Variants in FCHSD2 observed in about 807,000 individuals in gnomAD.
FCHSD2 encodes the protein FCH and double SH3 domains 2.
Under a neutral mutation model 108.1 loss-of-function variants are expected in FCHSD2, and 38 were observed. The ratio of observed to expected loss-of-function variants is 0.35; its 90% CI spans 0.27 to 0.46. The LOEUF is 0.46. Among genes scored for constraint, FCHSD2 ranks in the 20% least tolerant of loss-of-function variants. FCHSD2 has a pLI of 1.00. For synonymous variants in FCHSD2, 279 were observed against 314.7 expected, an observed-to-expected ratio of 0.89 and a Z score of 1.20; for missense variants, 751 against 897.8, an observed-to-expected ratio of 0.84 and a Z score of 2.09.
intron 9 of FCHSD2, among the ~76,000 whole-genome samples, chr11:72,915,188 C>T (rs529927877): frequency 8.3e-4 from 126 of 151,884 alleles, no homozygotes; most frequent in Middle Eastern, 3.4e-3. Context: ...ATCAAAACCA[C>T]CATGAGATAC....
intron 8 of FCHSD2, among the ~76,000 whole-genome samples, chr11:72,973,454 TAAC>T (rs1591447727): frequency 6.6e-6 from 1 of 152,252 alleles, no homozygotes; most frequent in South Asian, 2.1e-4. Flanking sequence ...ATAGCAAAGA[TAAC>T]AAAGAAAGTT....
chr11:73,127,400 A>G (rs2098600000), intron 2 of FCHSD2, among the ~76,000 whole-genome samples: 1 of 152,142 alleles, frequency 6.6e-6, no homozygotes, highest in South Asian at 2.1e-4. Flanking sequence ...ACTCCCGATC[A>G]ACACTGACAG....
At chr11:73,058,755 A>G (rs1164415641) in intron 3 of FCHSD2, among the ~76,000 whole-genome samples, 1 of 151,772 alleles carries the variant, frequency 6.6e-6, no homozygotes, top group East Asian at 1.9e-4. Flanking sequence ...TTTAGTCGAG[A>G]TGGGGTTTTA....
At chr11:72,843,625 G>T in intron 14 of FCHSD2, 93 bp from the exon 15 acceptor site, 1 of 799,586 alleles carries the variant, frequency 1.3e-6, no homozygotes. Flanking sequence ...TCAAAATATT[G>T]AAATGATTTT....
intron 13 of FCHSD2, among the ~76,000 whole-genome samples, chr11:72,865,155 A>T (rs1376560752): frequency 2.6e-5 from 4 of 152,188 alleles, no homozygotes; most frequent in Non-Finnish European, 5.9e-5. Flanking sequence ...TTTCCAGATG[A>T]CGAATGCTTT....
rs187137294 is a variant in FCHSD2 at position 72,848,723 on chromosome 11, A to G, written c.1443+1032T>C. Among the ~76,000 whole-genome samples, 4 of 152,320 alleles carry G rather than the reference A, an allele frequency of 2.6e-5. No homozygotes were observed. The East Asian group carries it at 7.7e-4, about 29-fold the overall frequency. On this transcript the variant is annotated intron_variant, in intron 14 of 19. Coordinates refer to ENST00000409418, the MANE Select transcript of FCHSD2 (RefSeq NM_014824.3). ...GATATGCCAACAGAGGGAATGTTGAATGAATGTGAACTGTTTAAAATCACT... is the reference window on the plus strand; with the variant it reads ...GATATGCCAACAGAGGGAATGTTGAGTGAATGTGAACTGTTTAAAATCACT...
At chr11:72,934,110 GA>G (rs375464183) in intron 8 of FCHSD2, among the ~76,000 whole-genome samples, 562 of 50,830 alleles carry the variant, frequency 0.011, no homozygotes, top group South Asian at 0.021. Context: ...CACTGTCTCA[GA>G]AAAAAAAAAA....
chr11:73,090,274 G>A (rs1221441842), intron 2 of FCHSD2, among the ~76,000 whole-genome samples: 1 of 142,424 alleles, frequency 7.0e-6, no homozygotes, highest in Non-Finnish European at 1.5e-5. Flanking sequence ...CGCCCAGGCT[G>A]GAGTGCAGTG....
intron 2 of FCHSD2, among the ~76,000 whole-genome samples, chr11:73,120,687 C>T (rs1471226025): frequency 6.6e-6 from 1 of 151,880 alleles, no homozygotes; most frequent in Non-Finnish European, 1.5e-5. Flanking sequence ...TGAGATCATG[C>T]CACTGCACTC....
intron 2 of FCHSD2, among the ~76,000 whole-genome samples, chr11:73,125,640 G>A (rs1435169010): frequency 6.6e-6 from 1 of 152,088 alleles, no homozygotes; most frequent in South Asian, 2.1e-4. Flanking sequence ...AAGGGGTTAA[G>A]GCTGCAGTGA....
At chr11:73,006,243 C>T (rs2135423322) in intron 4 of FCHSD2, among the ~76,000 whole-genome samples, 1 of 152,244 alleles carries the variant, frequency 6.6e-6, no homozygotes, top group East Asian at 1.9e-4. Context: ...CAGACACCTT[C>T]CCTAAACCCT....
intron 3 of FCHSD2, among the ~76,000 whole-genome samples, chr11:73,020,028 T>C (rs962111912): frequency 2.0e-5 from 3 of 152,240 alleles, no homozygotes; most frequent in Admixed American, 2.0e-4. Context: ...TGATGCATAA[T>C]GCTGATTTGA....
chr11:73,079,389 G>A (rs531537505), intron 3 of FCHSD2, among the ~76,000 whole-genome samples: 11 of 151,956 alleles, frequency 7.2e-5, no homozygotes, highest in African/African-American at 2.2e-4. Context: ...TAGTAGAGAC[G>A]GGGTTTCACC....
chr11:73,142,119 G>A lies in FCHSD2; in HGVS notation c.-242C>T. On this transcript the variant is annotated 5_prime_UTR_variant, in exon 1 of 20. Coordinates refer to ENST00000409418, the MANE Select transcript of FCHSD2 (RefSeq NM_014824.3). ...GGCTTGGGGCCCGGGCGGCCCGGGC[G>A]GCCCGGGGGTGTGTGAGGAAGGAGG... 1.0e-5 allele frequency: 4 copies of A among 387,932 alleles called. No individual in the cohort carries two copies. Among genetic ancestry groups the A allele is most frequent in the Non-Finnish European group, 1.4e-5 (3 of 216,038 alleles). 24.0% of individuals were successfully genotyped at this position (387,932 alleles called of 1,614,324 possible). A position where few individuals can be genotyped will look rare whatever the true frequency, so the allele number is the denominator to read the frequency against.
At chr11:72,883,405 C>A (rs1337313512) in intron 12 of FCHSD2, among the ~76,000 whole-genome samples, 1 of 151,954 alleles carries the variant, frequency 6.6e-6, no homozygotes, top group South Asian at 2.1e-4. Flanking sequence ...AGTACATGTA[C>A]CTAAAAAATG....
At chr11:72,876,431 G>C (rs753202912) in intron 12 of FCHSD2, among the ~76,000 whole-genome samples, 2 of 152,206 alleles carry the variant, frequency 1.3e-5, no homozygotes, top group African/African-American at 2.4e-5. Context: ...TTCAAAGGCA[G>C]CAACAGATTA....
chr11:72,986,885 C>G (rs904640322), intron 6 of FCHSD2, among the ~76,000 whole-genome samples: 3 of 152,084 alleles, frequency 2.0e-5, no homozygotes, highest in African/African-American at 7.2e-5. Flanking sequence ...TACTCTTTAC[C>G]ACCTACCCTT....
intron 8 of FCHSD2, among the ~76,000 whole-genome samples, chr11:72,972,185 CA>C (rs1220457674): frequency 6.6e-6 from 1 of 152,094 alleles, no homozygotes; most frequent in Non-Finnish European, 1.5e-5. Flanking sequence ...TTCTCCAGCC[CA>C]AGACATTAAA....
chr11:72,891,856 C>A (rs902315483), intron 10 of FCHSD2, among the ~76,000 whole-genome samples: 8 of 152,122 alleles, frequency 5.3e-5, no homozygotes, highest in Non-Finnish European at 8.8e-5. Flanking sequence ...TTTAAACATT[C>A]TGGTATAGGA....
Sources: allele counts gnomAD v4.1 joint callset (sites outside exome capture counted in the v4.1 genomes callset), GRCh38; gene constraint gnomAD v4.1.1; transcripts MANE v1.5; gene names NCBI Gene and HGNC (gene_info 2026-07-23, HGNC 2026-07-21).